The following MYL1 variants were observed in gnomAD, a reference collection of about 807,000 sequenced individuals.
MYL1 encodes myosin light chain 1.
MYL1 carries 16 observed loss-of-function variants against 21.8 expected under a neutral mutation model. The ratio of observed to expected loss-of-function variants is 0.74; its 90% CI spans 0.50 to 1.12. The LOEUF (loss-of-function observed/expected upper bound fraction) is 1.12. Among genes scored for constraint, MYL1 ranks in the 50% most tolerant of loss-of-function variants. The pLI is 0.00. For synonymous variants in MYL1, 99 were observed against 85.2 expected (o/e 1.16, Z -0.89); for missense variants, 246 against 241.0 (o/e 1.02, Z -0.14).
intron 5 of MYL1, among the ~76,000 whole-genome samples, chr2:210,291,531 A>G (rs1690075573): frequency 6.6e-6 from 1 of 152,200 alleles, no homozygotes; most frequent in Non-Finnish European, 1.5e-5. Context: ...TGCTAAATTG[A>G]CAGAGCTGTT....
intron 1 of MYL1, among the ~76,000 whole-genome samples, chr2:210,312,972 A>G (rs1449823505): frequency 6.6e-6 from 1 of 152,004 alleles, no homozygotes; most frequent in African/African-American, 2.4e-5. Context: ...ACGAATGTCA[A>G]TATGTCAATT....
chr2:210,293,141 T>C (rs191751097), intron 5 of MYL1, among the ~76,000 whole-genome samples: 77 of 152,348 alleles, frequency 5.1e-4, no homozygotes, highest in Non-Finnish European at 9.1e-4. Flanking sequence ...AATTTTTAAA[T>C]TTGTAAATTA....
intron 3 of MYL1, among the ~76,000 whole-genome samples, chr2:210,297,407 G>T (rs1055937419): frequency 1.3e-5 from 2 of 151,594 alleles, no homozygotes; most frequent in African/African-American, 4.8e-5. Flanking sequence ...CATTTCCCTG[G>T]TAATTAGTGA....
chr2:210,303,558 G>A (rs759001004), intron 1 of MYL1: 35 of 1,610,370 alleles, frequency 2.2e-5, no homozygotes, highest in Non-Finnish European at 2.8e-5. Context: ...GGAGCGGCTG[G>A]GCTGCAACAC....
intron 1 of MYL1, among the ~76,000 whole-genome samples, chr2:210,306,820 C>T (rs974212817): frequency 2.0e-5 from 3 of 151,698 alleles, no homozygotes; most frequent in African/African-American, 2.4e-5. Context: ...CAGGTTCAAG[C>T]GATTCTTCTG....
chr2:210,307,458 C>T (rs1690354549), intron 1 of MYL1, among the ~76,000 whole-genome samples: 1 of 152,192 alleles, frequency 6.6e-6, no homozygotes, highest in Non-Finnish European at 1.5e-5. Context: ...ACTTCACCTG[C>T]TCAAAGTTAG....
At chr2:210,302,771 C>T (rs765913439) in intron 1 of MYL1, 2 of 1,566,332 alleles carry the variant, frequency 1.3e-6, no homozygotes, top group South Asian at 2.3e-5. Context: ...CACTTACCAG[C>T]AATCTGGTCA....
At chr2:210,298,371 T>C (rs1416201976) in intron 3 of MYL1, 49 bp downstream of exon 3, 1 of 1,338,570 alleles carries the variant, frequency 7.5e-7, no homozygotes, top group Non-Finnish European at 1.0e-6. Flanking sequence ...CACACACTGC[T>C]ACACACTTCC....
Position 210,308,267 on chromosome 2 carries a change from T to G in MYL1, c.133-5752A>C, listed in dbSNP as rs536546854. On this transcript the variant is annotated intron_variant, in intron 1 of 6. Transcript: ENST00000352451. ...TTTCACTCCAATCTCACAGAGTTTC[T>G]AGGAACCACCATAAAAGGCCAGGAA... Among the ~76,000 whole-genome samples the G allele has an allele frequency of 4.6e-5, 7 of 151,644 alleles. No homozygotes were observed. The East Asian group carries it at 1.4e-3, about 29-fold the overall frequency.
chr2:210,299,216 T>C (rs1373134133), intron 2 of MYL1, among the ~76,000 whole-genome samples: 2 of 152,190 alleles, frequency 1.3e-5, no homozygotes, highest in Admixed American at 1.3e-4. Flanking sequence ...ATAATCTCTT[T>C]ATACTTTACC....
intron 5 of MYL1, among the ~76,000 whole-genome samples, chr2:210,292,181 G>A (rs902455993): frequency 2.6e-5 from 4 of 152,144 alleles, no homozygotes; most frequent in African/African-American, 9.7e-5. Flanking sequence ...CGATTCTCGT[G>A]CCTCAGCCTT....
intron 2 of MYL1, among the ~76,000 whole-genome samples, chr2:210,300,269 T>C (rs1368656545): frequency 2.0e-5 from 3 of 152,180 alleles, no homozygotes; most frequent in Non-Finnish European, 4.4e-5. Flanking sequence ...TTTGGTGATT[T>C]AAAGGCAGAG....
chr2:210,290,720 T>C (rs905449706), intron 6 of MYL1, among the ~76,000 whole-genome samples: 2 of 152,140 alleles, frequency 1.3e-5, no homozygotes, highest in East Asian at 1.9e-4. Flanking sequence ...GTGCTTTTAT[T>C]AGTGTTCTGT....
At chr2:210,298,051 A>T (rs548272161) in intron 3 of MYL1, among the ~76,000 whole-genome samples, 1 of 152,204 alleles carries the variant, frequency 6.6e-6, no homozygotes, top group Admixed American at 6.5e-5. Context: ...AGATTTGGAT[A>T]TTATTTCATT....
At chr2:210,311,201 G>C (rs891260036) in intron 1 of MYL1, among the ~76,000 whole-genome samples, 3 of 151,952 alleles carry the variant, frequency 2.0e-5, no homozygotes, top group Admixed American at 1.3e-4. Flanking sequence ...AAAGGAAACT[G>C]GATTTATATT....
chr2:210,303,579 C>A, intron 1 of MYL1: 1 of 1,610,132 alleles, frequency 6.2e-7, no homozygotes, highest in Non-Finnish European at 8.5e-7. Flanking sequence ...AGCAGGGAAG[C>A]TGAAGAGTGA....
intron 5 of MYL1, among the ~76,000 whole-genome samples, chr2:210,293,437 G>C (rs1690112144): frequency 6.6e-6 from 1 of 152,146 alleles, no homozygotes; most frequent in Non-Finnish European, 1.5e-5. Context: ...TATTAAATTT[G>C]ATTCTGACAT....
intron 1 of MYL1, chr2:210,303,497 C>T (rs1690294788): frequency 1.3e-6 from 2 of 1,568,678 alleles, no homozygotes; most frequent in Non-Finnish European, 1.7e-6. Context: ...TATCCTCTAT[C>T]TATTTTCTCC....
At chr2:210,302,663 C>CT in intron 1 of MYL1, 148 bp from the exon 2 acceptor site, 2 of 1,507,362 alleles carry the variant, frequency 1.3e-6, no homozygotes, top group Non-Finnish European at 9.0e-7. Context: ...AGCTTGGACA[C>CT]TAACAGGTTA....
Sources: allele counts gnomAD v4.1 joint callset (sites outside exome capture counted in the v4.1 genomes callset), GRCh38; gene constraint gnomAD v4.1.1; transcripts MANE v1.5; gene names NCBI Gene and HGNC (gene_info 2026-07-23, HGNC 2026-07-21).